Variants in SLC30A2 observed in about 807,000 individuals in gnomAD.
The protein encoded by SLC30A2 is solute carrier family 30 member 2.
SLC30A2 carries 19 observed loss-of-function variants against 39.6 expected under a neutral mutation model. The observed-to-expected ratio is 0.48, with a 90% confidence interval of 0.34 to 0.70. The LOEUF (loss-of-function observed/expected upper bound fraction) is 0.70. Ranked by LOEUF, SLC30A2 falls within the 30% of genes least tolerant of loss-of-function variation. The pLI is 0.01. For missense variants in SLC30A2, 387 were observed against 479.4 expected, an observed-to-expected ratio of 0.81 and a Z score of 1.80; for synonymous variants, 195 against 194.8, an observed-to-expected ratio of 1.00 and a Z score of -0.01.
At chr1:26,045,718 C>A in intron 1 of SLC30A2, 129 bp downstream of exon 1, 8 of 1,468,946 alleles carry the variant, frequency 5.4e-6, no homozygotes, top group Non-Finnish European at 7.4e-6. Context: ...CGTTCCCTCA[C>A]CTCACCCCAC....
At chr1:26,042,297 G>A (rs2050406627) in intron 5 of SLC30A2, among the ~76,000 whole-genome samples, 3 of 152,206 alleles carry the variant, frequency 2.0e-5, no homozygotes, top group African/African-American at 4.8e-5. Context: ...ATGCTTTACC[G>A]GCTGTGTGAC....
chr1:26,044,489 C>T (rs1186320360), intron 2 of SLC30A2, 45 bp from the exon 3 acceptor site: 1 of 1,589,234 alleles, frequency 6.3e-7, no homozygotes, highest in Non-Finnish European at 8.6e-7. Flanking sequence ...AGAGCTGGCT[C>T]CCAAGACTGT....
At chr1:26,040,322 C>T (rs991477628) in intron 6 of SLC30A2, among the ~76,000 whole-genome samples, 2 of 152,078 alleles carry the variant, frequency 1.3e-5, no homozygotes, top group Non-Finnish European at 2.9e-5. Flanking sequence ...GATCTTGGCT[C>T]ACTGCAACCT....
intron 6 of SLC30A2, among the ~76,000 whole-genome samples, chr1:26,040,689 G>A (rs1231640520): frequency 6.6e-6 from 1 of 152,106 alleles, no homozygotes; most frequent in African/African-American, 2.4e-5. Context: ...CTGACCTGCA[G>A]CCAAATACTG....
chr1:26,042,260 C>T (rs1318626149), intron 5 of SLC30A2, among the ~76,000 whole-genome samples: 2 of 152,220 alleles, frequency 1.3e-5, no homozygotes, highest in Non-Finnish European at 2.9e-5. Flanking sequence ...TTTGACAACA[C>T]ACAGTCGTAG....
chr1:26,039,919 C>G lies in SLC30A2; in HGVS notation c.839-8G>C, dbSNP rs199903821. On this transcript the variant is annotated splice_region_variant and splice_polypyrimidine_tract_variant and intron_variant, in intron 6 of 7. Transcript: ENST00000374276. The surrounding 1 kb of genome is among the most constrained non-coding windows in gnomAD (Gnocchi z 4.3). ...CAACGCCCTTGGGGGTCCCTGAGGA[C>G]GGCAAGGACAGGGGAAACTAAAGGA... The G allele has an allele frequency of 1.2e-6, 2 of 1,613,822 alleles. No homozygotes were observed. Among genetic ancestry groups the G allele is most frequent in the Non-Finnish European group, 1.7e-6 (2 of 1,179,976 alleles).
intron 6 of SLC30A2, 140 bp downstream of exon 6, chr1:26,041,560 G>C: frequency 1.6e-6 from 1 of 611,838 alleles, no homozygotes; most frequent in Non-Finnish European, 2.9e-6. Flanking sequence ...GGCCCCAGGA[G>C]GTTTTCCAGC....
rs374195497 is a variant in SLC30A2, at chr1:26,039,181, T to C, written c.1098A>G (p.Ala366=). Residue 366 remains alanine (A), a synonymous_variant, in exon 8 of 8, where the codon GCA becomes GCG. Transcript: ENST00000374276. This position sits in a 1 kb window ranked among gnomAD's most constrained non-coding sequence, Gnocchi z 4.3. ...DYSEDMKDCQ[A]CQGPSD ...GCAGTCAGTCTGAGGGGCCCTGGCATGCCTGACAGTCCTTCATGTCCTCCG... is the reference window on the plus strand; with the variant it reads ...GCAGTCAGTCTGAGGGGCCCTGGCACGCCTGACAGTCCTTCATGTCCTCCG... 8 of 1,613,942 alleles carry C rather than the reference T, an allele frequency of 5.0e-6. No homozygotes were observed. Among genetic ancestry groups the C allele is most frequent in the African/African-American group, 4.0e-5 (3 of 74,950 alleles).
chr1:26,040,205 G>C (rs572602146), intron 6 of SLC30A2, among the ~76,000 whole-genome samples: 1 of 152,062 alleles, frequency 6.6e-6, no homozygotes, highest in Non-Finnish European at 1.5e-5. Context: ...AGTATCCTTG[G>C]TGCCTAAAAC....
intron 4 of SLC30A2, 54 bp downstream of exon 4, chr1:26,043,344 G>A: frequency 3.2e-6 from 5 of 1,556,408 alleles, no homozygotes; most frequent in Non-Finnish European, 4.4e-6. Context: ...CATAGGTGTG[G>A]GTGTGAGAGG....
At chr1:26,043,360 G>A (rs2050421543) in intron 4 of SLC30A2, 38 bp downstream of exon 4, 3 of 1,597,928 alleles carry the variant, frequency 1.9e-6, no homozygotes, top group South Asian at 1.1e-5. Context: ...AGAGGCGGGA[G>A]GAGGAGGGGA....
rs781697562 is a variant in SLC30A2 at position 26,041,716 on chromosome 1, G to C, written c.822C>G (p.Ile274Met). 6 of 1,611,030 alleles carry C rather than the reference G, an allele frequency of 3.7e-6. No individual in the cohort carries two copies. In the Admixed American group the frequency reaches 6.7e-5, roughly 18 times the overall value. ...CCAGGTTACCTTCCATCAACACCAG[G>C]ATCACATCTCTCAGGATGGTCAAGG... ...GTTLTILRDV[I>M]LVLMEGTPKG... Residue 274 changes from isoleucine to methionine, a missense_variant, in exon 6 of 8, where the codon ATC becomes ATG. Physicochemically the swap from Ile to Met is conservative, Grantham distance 10. Transcript: ENST00000374276.
intron 5 of SLC30A2, 21 bp downstream of exon 5, chr1:26,042,528 A>ACC: frequency 1.2e-6 from 2 of 1,606,246 alleles, no homozygotes; most frequent in Non-Finnish European, 1.7e-6. Flanking sequence ...CACCCCCACC[A>ACC]CCCTGTGTCC....
At position 26,039,390 on chromosome 1, in the gene SLC30A2, C is replaced by T; in HGVS notation, c.974-85G>A. The T allele has an allele frequency of 2.0e-6, 2 of 1,016,712 alleles. No individual in the cohort carries two copies. The highest frequency in any genetic ancestry group is 2.1e-5 in the Admixed American group (1 of 48,154). The allele number at this position is 1,016,712 out of a possible 1,614,324, so 63.0% of individuals were successfully genotyped here. A position where few individuals can be genotyped will look rare whatever the true frequency, so the allele number is the denominator to read the frequency against. ...GGAGCCCAAATCTCATACCCCATCC[C>T]CAGCAGAACAGGATGGGGGACCATG... On this transcript the variant is annotated intron_variant, in intron 7 of 7. Coordinates refer to ENST00000374276, the MANE Select transcript of SLC30A2 (RefSeq NM_001004434.3). This position sits in a 1 kb window ranked among gnomAD's most constrained non-coding sequence, Gnocchi z 4.3.
rs182848972 is a variant in SLC30A2 at position 26,042,802 on chromosome 1, C to T, written c.573-94G>A. 1.3e-4 allele frequency: 160 copies of T among 1,209,234 alleles called. No homozygotes were observed. The East Asian group carries it at 3.8e-3, about 29-fold the overall frequency. 74.9% of individuals were successfully genotyped at this position (1,209,234 alleles called of 1,614,324 possible). A position where few individuals can be genotyped will look rare whatever the true frequency, so the allele number is the denominator to read the frequency against. On this transcript the variant is annotated intron_variant, in intron 4 of 7. Transcript: ENST00000374276. ...CAACTTGTAGGGCAAAAATCTCAAG[C>T]CCCTAAACCTTGTGATCTCTTTGGC...
chr1:26,039,150 G>A lies in SLC30A2; in HGVS notation c.*10C>T. 6.2e-7 allele frequency: 1 copy of A among 1,612,670 alleles called. No individual in the cohort carries two copies. Among genetic ancestry groups the A allele is most frequent in the Middle Eastern group, 1.7e-4 (1 of 6,052 alleles). On this transcript the variant is annotated 3_prime_UTR_variant, in exon 8 of 8. Transcript: ENST00000374276. This position sits in a 1 kb window ranked among gnomAD's most constrained non-coding sequence, Gnocchi z 4.3. ...CCTGTTCATGCCCCAGTTGGTGCCT[G>A]GCTGAGCAGTCAGTCTGAGGGGCCC...
At chr1:26,042,952 A>G (rs2050415557) in intron 4 of SLC30A2, among the ~76,000 whole-genome samples, 1 of 152,204 alleles carries the variant, frequency 6.6e-6, no homozygotes, top group African/African-American at 2.4e-5. Flanking sequence ...GCAGGAGGGC[A>G]TTAGGGAGGT....
At chr1:26,042,450 G>T in intron 5 of SLC30A2, 99 bp downstream of exon 5, 2 of 1,089,224 alleles carry the variant, frequency 1.8e-6, no homozygotes, top group Non-Finnish European at 2.7e-6. Flanking sequence ...CCCTAGAACT[G>T]GGAGGGAGCT....
Position 26,045,090 on chromosome 1 carries a change from C to T in SLC30A2, c.178G>A (p.Asp60Asn). The change falls in exon 2 of 8, where the codon GAC becomes AAC. Residue 60 changes from aspartate (D) to asparagine (N), a missense_variant. Coordinates refer to ENST00000374276, the MANE Select transcript of SLC30A2 (RefSeq NM_001004434.3). ...CCCTTCTTGGGGTCACAGTGACTGTCAGGACCCTTCTGAGCATGGCAGTGA... is the reference window on the plus strand; with the variant it reads ...CCCTTCTTGGGGTCACAGTGACTGTTAGGACCCTTCTGAGCATGGCAGTGA... ...NHHCHAQKGP[D>N]SHCDPKKGKA... 1 of 1,614,194 alleles carries T rather than the reference C, an allele frequency of 6.2e-7. No individual in the cohort carries two copies. Among genetic ancestry groups the T allele is most frequent in the South Asian group, 1.1e-5 (1 of 91,082 alleles).
Sources: gnomAD v4.1 joint callset for allele counts (sites outside exome capture counted in the v4.1 genomes callset) on GRCh38, gnomAD v4.1.1 for gene constraint, Gnocchi (gnomAD v3.1) non-coding constraint, MANE v1.5 for transcripts, NCBI Gene and HGNC (gene_info 2026-07-23, HGNC 2026-07-21) for gene names.